SCAANT1: variants seen among roughly 807,000 people sequenced by gnomAD.
The protein encoded by SCAANT1 is ATXN7 antisense RNA 1 (non-protein coding).
chr3:63,911,803 C>G (rs921577658), upstream of SCAANT1: 1 of 152,256 alleles, frequency 6.6e-6, no homozygotes, highest in African/African-American at 2.4e-5. Flanking sequence ...GGCACTTCCC[C>G]GCTAGCCCAA....
chr3:63,911,980 T>A (rs1704031880), upstream of SCAANT1: 1 of 152,260 alleles, frequency 6.6e-6, no homozygotes, highest in South Asian at 2.1e-4. Context: ...CATTTCCGAC[T>A]TCGCCCTGGC....
chr3:63,911,586 A>G (rs577658202), exon 1 of SCAANT1: 1 of 152,284 alleles, frequency 6.6e-6, no homozygotes, highest in South Asian at 2.1e-4. Flanking sequence ...TGGTGCCTCT[A>G]AAATATGTAC....
exon 1 of SCAANT1, chr3:63,911,701 G>C (rs1391344334): frequency 2.0e-5 from 3 of 152,306 alleles, no homozygotes; most frequent in African/African-American, 2.4e-5. Flanking sequence ...CAGGCGCACA[G>C]TGTGACTTCC....
chr3:63,911,802 C>T (rs780062544), upstream of SCAANT1: 3 of 152,260 alleles, frequency 2.0e-5, no homozygotes, highest in Non-Finnish European at 4.4e-5. Context: ...AGGCACTTCC[C>T]CGCTAGCCCA....
At chr3:63,911,553 G>T (rs1559628312) in exon 1 of SCAANT1, 1 of 152,134 alleles carries the variant, frequency 6.6e-6, no homozygotes, top group African/African-American at 2.4e-5. Flanking sequence ...TGGGGTGAAT[G>T]AATCACTTCC....
chr3:63,911,910 T>G (rs1704027693), upstream of SCAANT1: 1 of 152,396 alleles, frequency 6.6e-6, no homozygotes, highest in Admixed American at 6.5e-5. Flanking sequence ...AAGTGCCCCC[T>G]GCACCAGCCT....
At chr3:63,912,161 G>C (rs577595504), upstream of SCAANT1, 1 of 152,214 alleles carries the variant, frequency 6.6e-6, no homozygotes, top group African/African-American at 2.4e-5. Context: ...GGCCGGGCCC[G>C]GGGATGCAAG....
chr3:63,912,366 G>A (rs2107294835), upstream of SCAANT1, among the ~76,000 whole-genome samples: 1 of 151,684 alleles, frequency 6.6e-6, no homozygotes, highest in South Asian at 2.1e-4. Flanking sequence ...CCCTCGGGCG[G>A]CCGCGGGAGT....
chr3:63,912,377 C>A (rs564169798), upstream of SCAANT1, among the ~76,000 whole-genome samples: 1 of 151,334 alleles, frequency 6.6e-6, no homozygotes, highest in East Asian at 2.0e-4. Flanking sequence ...CCGCGGGAGT[C>A]GAAAGCGAAA....
chr3:63,912,347 C>T (rs1290221409), upstream of SCAANT1, among the ~76,000 whole-genome samples: 2 of 151,594 alleles, frequency 1.3e-5, no homozygotes, highest in African/African-American at 4.8e-5. Flanking sequence ...CGCCTGCTGC[C>T]CGTCCCCTCC....
exon 1 of SCAANT1, chr3:63,911,718 G>C (rs1337968400): frequency 6.6e-6 from 1 of 152,244 alleles, no homozygotes; most frequent in African/African-American, 2.4e-5. Context: ...TTCCAATTGC[G>C]GGTCGGGGGC....
At chr3:63,912,343 C>T (rs1400363394), upstream of SCAANT1, among the ~76,000 whole-genome samples, 6 of 151,636 alleles carry the variant, frequency 4.0e-5, no homozygotes, top group South Asian at 1.0e-3. Flanking sequence ...GGGCCGCCTG[C>T]TGCCCGTCCC....
upstream of SCAANT1, chr3:63,912,162 G>A (rs1223388283): frequency 1.3e-5 from 2 of 152,242 alleles, no homozygotes; most frequent in Non-Finnish European, 2.9e-5. Context: ...GCCGGGCCCG[G>A]GGATGCAAGC....
At chr3:63,911,937 G>GGGCC (rs893027655), upstream of SCAANT1, 9 of 152,406 alleles carry the variant, frequency 5.9e-5, no homozygotes, top group South Asian at 2.1e-4. Context: ...CGCTGCCCTG[G>GGGCC]GGCCGGCCGG....
chr3:63,912,316 C>T (rs1424110543), upstream of SCAANT1: 1 of 152,452 alleles, frequency 6.6e-6, no homozygotes, highest in Non-Finnish European at 1.5e-5. Context: ...AGGCAGGGGA[C>T]CCAGCGCCGC....
At chr3:63,911,919 C>G (rs1430770624), upstream of SCAANT1, 1 of 152,456 alleles carries the variant, frequency 6.6e-6, no homozygotes, top group African/African-American at 2.4e-5. Flanking sequence ...CTGCACCAGC[C>G]TCTCCCGCGC....
upstream of SCAANT1, chr3:63,912,054 T>G (rs982008646): frequency 5.9e-5 from 9 of 151,788 alleles, no homozygotes; most frequent in African/African-American, 2.2e-4. Flanking sequence ...GACCGGCAAG[T>G]GGGAGGAGGC....
At chr3:63,912,127 CGGAAG>C (rs1382001647), upstream of SCAANT1, 1 of 152,130 alleles carries the variant, frequency 6.6e-6, no homozygotes, top group East Asian at 1.9e-4. Context: ...GACGCGCGGA[CGGAAG>C]GAAGGAGCGG....
chr3:63,912,106 CCGCTCGGACGGA>C (rs1325408740), upstream of SCAANT1: 3 of 152,200 alleles, frequency 2.0e-5, no homozygotes, highest in Non-Finnish European at 4.4e-5. Flanking sequence ...CCGGGTGCCG[CCGCTCGGACGGA>C]CGCGCGGACG....
Sources: gnomAD v4.1 joint callset for allele counts (sites outside exome capture counted in the v4.1 genomes callset) on GRCh38, gnomAD v4.1.1 for gene constraint, MANE v1.5 for transcripts, NCBI Gene and HGNC (gene_info 2026-07-23, HGNC 2026-07-21) for gene names.